Variants in STXBP5L observed in about 807,000 individuals in gnomAD.
The protein encoded by STXBP5L is syntaxin binding protein 5L.
Under a neutral mutation model 144.5 loss-of-function variants are expected in STXBP5L, and 65 were observed. The observed-to-expected ratio is 0.45, with a 90% CI of 0.37 to 0.55. The LOEUF (loss-of-function observed/expected upper bound fraction) is 0.55, where lower values mean the gene tolerates loss of function less well. STXBP5L is among the 20% of genes least tolerant of loss of function. The pLI is 0.00. For synonymous variants in STXBP5L, 505 were observed against 469.6 expected (o/e 1.08, Z -0.97); for missense variants, 1,298 against 1,405.5 (o/e 0.92, Z 1.22).
intron 22 of STXBP5L, among the ~76,000 whole-genome samples, chr3:121,382,829 G>C (rs77026010): frequency 0.13 from 19,235 of 152,070 alleles, 1,361 homozygotes; most frequent in Middle Eastern, 0.18. Flanking sequence ...AAAAAATGAT[G>C]ACAAAATACA....
chr3:121,023,680 A>G (rs775054066), intron 3 of STXBP5L, among the ~76,000 whole-genome samples: 1 of 152,218 alleles, frequency 6.6e-6, no homozygotes, highest in Non-Finnish European at 1.5e-5. Flanking sequence ...AGCCAGGTGT[A>G]TAAAAACGAA....
chr3:121,134,599 C>T (rs2045157100), intron 7 of STXBP5L, among the ~76,000 whole-genome samples: 1 of 151,688 alleles, frequency 6.6e-6, no homozygotes, highest in African/African-American at 2.4e-5. Context: ...TGTTCCCCTT[C>T]CTGTGTCCAA....
At chr3:121,417,919 C>A (rs1471928392) in intron 25 of STXBP5L, among the ~76,000 whole-genome samples, 1 of 151,914 alleles carries the variant, frequency 6.6e-6, no homozygotes, top group Non-Finnish European at 1.5e-5. Flanking sequence ...AGAAAGAGAA[C>A]CTGTGGCCTA....
intron 3 of STXBP5L, among the ~76,000 whole-genome samples, chr3:120,961,162 TATA>T (rs966248453): frequency 2.0e-5 from 3 of 151,006 alleles, no homozygotes; most frequent in African/African-American, 7.3e-5. Flanking sequence ...TGGTATGAAA[TATA>T]ATATCTCCTT....
intron 22 of STXBP5L, among the ~76,000 whole-genome samples, chr3:121,398,624 T>C (rs553313056): frequency 5.4e-4 from 83 of 152,306 alleles, no homozygotes; most frequent in Middle Eastern, 3.4e-3. Context: ...TCTACATTCT[T>C]TTTTAGTATG....
rs59391975 is a variant in STXBP5L, at chr3:121,287,151, T to C, written c.2110+7195T>C. On this transcript the variant is annotated intron_variant, in intron 19 of 26. Coordinates refer to ENST00000471454, the MANE Select transcript of STXBP5L (RefSeq NM_001308330.2). ...CCCAACACTCAAATAAAGGAAATAG[T>C]GCCATTTCCACTACCCTAAATAGAA... Among the ~76,000 whole-genome samples the C allele has an allele frequency of 2.5e-3, 380 of 152,330 alleles. 2 individuals carry two copies. Among genetic ancestry groups the C allele is most frequent in the African/African-American group, 8.6e-3 (357 of 41,578 alleles).
chr3:121,302,645 A>G (rs970423828), intron 19 of STXBP5L, among the ~76,000 whole-genome samples: 1 of 151,944 alleles, frequency 6.6e-6, no homozygotes, highest in African/African-American at 2.4e-5. Flanking sequence ...TAGGGTATCA[A>G]TTTTAGATCT....
intron 9 of STXBP5L, among the ~76,000 whole-genome samples, chr3:121,185,893 T>G (rs569633611): frequency 2.0e-5 from 3 of 152,196 alleles, no homozygotes; most frequent in South Asian, 2.1e-4. Context: ...TGGGCAGTAT[T>G]GCCATTTTCA....
chr3:121,339,992 T>C (rs2044649074), intron 20 of STXBP5L, among the ~76,000 whole-genome samples: 1 of 152,038 alleles, frequency 6.6e-6, no homozygotes, highest in Non-Finnish European at 1.5e-5. Context: ...AAAGGAAGCT[T>C]CATATTCACT....
chr3:121,054,640 A>T (rs1288255745), intron 5 of STXBP5L, among the ~76,000 whole-genome samples: 1 of 150,896 alleles, frequency 6.6e-6, no homozygotes, highest in African/African-American at 2.4e-5. Flanking sequence ...CCTAATGGTA[A>T]ATGACGAGTT....
intron 19 of STXBP5L, among the ~76,000 whole-genome samples, chr3:121,296,681 A>G (rs987899228): frequency 2.6e-5 from 4 of 152,164 alleles, no homozygotes; most frequent in Non-Finnish European, 5.9e-5. Flanking sequence ...AGGTGGGGGA[A>G]AGAGTGGGCT....
chr3:121,422,322 C>T lies in STXBP5L; in HGVS notation c.*3225C>T, dbSNP rs1482252114. The T allele has an allele frequency of 3.9e-5, 6 of 152,116 alleles. No homozygotes were observed. Among genetic ancestry groups the T allele is most frequent in the South Asian group, 2.1e-4 (1 of 4,832 alleles). 9.4% of individuals were successfully genotyped at this position (152,116 alleles called of 1,614,324 possible). On this transcript the variant is annotated 3_prime_UTR_variant, in exon 27 of 27. Coordinates refer to ENST00000471454, the MANE Select transcript of STXBP5L (RefSeq NM_001308330.2). ...CAAAATTACATTCTATCTGCTAAAG[C>T]GACATCAGAAGATAAGGCTTGCAAA...
intron 3 of STXBP5L, among the ~76,000 whole-genome samples, chr3:120,968,984 A>G (rs919083530): frequency 7.9e-5 from 12 of 152,026 alleles, no homozygotes; most frequent in African/African-American, 2.9e-4. Context: ...TGCAATTGTG[A>G]ATTGTGCCAC....
At chr3:121,089,534 T>C (rs1299068364) in intron 5 of STXBP5L, among the ~76,000 whole-genome samples, 8 of 152,028 alleles carry the variant, frequency 5.3e-5, no homozygotes, top group Non-Finnish European at 1.0e-4. Context: ...AGATTTTTTT[T>C]TTCTTTTCTT....
At chr3:121,021,222 C>T (rs1265121503) in intron 3 of STXBP5L, among the ~76,000 whole-genome samples, 3 of 152,040 alleles carry the variant, frequency 2.0e-5, no homozygotes, top group African/African-American at 4.8e-5. Flanking sequence ...ATATGACAAT[C>T]CTAAATATAC....
chr3:121,011,818 G>T (rs1944795071), intron 3 of STXBP5L, among the ~76,000 whole-genome samples: 1 of 150,946 alleles, frequency 6.6e-6, no homozygotes, highest in South Asian at 2.1e-4. Context: ...CACATAACTT[G>T]GCTACCACAT....
At position 121,407,344 on chromosome 3, in the gene STXBP5L, A is replaced by G. The variant is rs756231137; in HGVS notation, c.2689A>G (p.Asn897Asp). The change falls in exon 23 of 27, where the codon AAC becomes GAC. Residue 897 changes from asparagine (N) to aspartate (D), a missense_variant. Physicochemically the swap from Asn to Asp is conservative, Grantham distance 23. Coordinates refer to ENST00000471454, the MANE Select transcript of STXBP5L (RefSeq NM_001308330.2). ...ATATGAAGTTTGGAGGGATCCAAAC[A>G]ACATAGATGAAAATGAAAAATCTTG... ...PPYEVWRDPN[N>D]IDENEKSWRR... is the part of the protein sequence containing the mutation. The G allele has an allele frequency of 3.1e-6, 5 of 1,612,952 alleles. No individual in the cohort carries two copies. Among genetic ancestry groups the G allele is most frequent in the Admixed American group, 3.3e-5 (2 of 59,834 alleles).
At chr3:120,990,499 A>G (rs925415919) in intron 3 of STXBP5L, among the ~76,000 whole-genome samples, 1 of 152,190 alleles carries the variant, frequency 6.6e-6, no homozygotes, top group Non-Finnish European at 1.5e-5. Flanking sequence ...CACATCGCCA[A>G]GTCAATCCTA....
intron 19 of STXBP5L, among the ~76,000 whole-genome samples, chr3:121,293,516 C>T (rs138002569): frequency 2.0e-5 from 3 of 152,040 alleles, no homozygotes; most frequent in African/African-American, 7.2e-5. Flanking sequence ...GAAGAACTAA[C>T]GCAAAGAAGA....
Sources: allele counts gnomAD v4.1 joint callset (sites outside exome capture counted in the v4.1 genomes callset), GRCh38; gene constraint gnomAD v4.1.1; transcripts MANE v1.5; gene names NCBI Gene and HGNC (gene_info 2026-07-23, HGNC 2026-07-21).